Variants in CHRDL1 observed in about 807,000 individuals in gnomAD.
The protein encoded by CHRDL1 is chordin-like protein 1.
CHRDL1 carries 19 observed loss-of-function variants against 40.9 expected under a neutral mutation model. The observed-to-expected ratio is 0.46, with a 90% confidence interval of 0.32 to 0.68. CHRDL1 has a LOEUF of 0.68. Among genes scored for constraint, CHRDL1 ranks in the 30% least tolerant of loss-of-function variants. The pLI is 0.03. For synonymous variants in CHRDL1, 136 were observed against 123.4 expected (o/e 1.10, Z -0.68); for missense variants, 329 against 352.1 (o/e 0.93, Z 0.53).
chrX:110,680,916 AG>A (rs1442456905), intron 10 of CHRDL1, among the ~76,000 whole-genome samples: 1 of 112,071 alleles, frequency 8.9e-6, no homozygotes, highest in African/African-American at 3.2e-5. Context: ...TCTTGAGGGC[AG>A]GGATGATGTT....
chrX:110,705,820 A>G (rs2070626935), intron 6 of CHRDL1, among the ~76,000 whole-genome samples: 1 of 109,251 alleles, frequency 9.2e-6, no homozygotes, highest in Admixed American at 1.0e-4. Context: ...AAGATATACT[A>G]TGTACATTAT....
chrX:110,690,327 C>T lies in CHRDL1; in HGVS notation c.779-1524G>A, dbSNP rs776073687. On this transcript the variant is annotated intron_variant, in intron 8 of 11. Coordinates refer to ENST00000372042, the MANE Select transcript of CHRDL1 (RefSeq NM_001143981.2). ...CCTCCCAAAGTGCTTGGATTACAGG[C>T]GCGAGCCACTGCGCCCAGCCACATA... 7.3e-3 allele frequency among the ~76,000 whole-genome samples: 782 copies of T among 106,750 alleles called. 6 individuals carry two copies. Among genetic ancestry groups the T allele is most frequent in the African/African-American group, 0.025 (734 of 29,134 alleles). 92.7% of individuals were successfully genotyped at this position (106,750 alleles called of 115,157 possible).
intron 2 of CHRDL1, among the ~76,000 whole-genome samples, chrX:110,776,519 T>C (rs1344754850): frequency 9.0e-6 from 1 of 111,729 alleles, no homozygotes; most frequent in Non-Finnish European, 1.9e-5. Context: ...TCCAGATTGG[T>C]AGCCTTTTTC....
intron 4 of CHRDL1, among the ~76,000 whole-genome samples, chrX:110,723,657 T>C (rs1319469209): frequency 1.8e-5 from 2 of 111,878 alleles, no homozygotes; most frequent in African/African-American, 3.3e-5. Context: ...GAAGGGACCA[T>C]TTAATTAAAA....
Position 110,739,403 on chromosome X carries a change from T to C in CHRDL1, c.302-17873A>G, listed in dbSNP as rs546921583. ...TGAATGAGTTCCAGTCAATTGAATG[T>C]GGGAAGAAATGATAAACATGCCTTA... On this transcript the variant is annotated intron_variant, in intron 4 of 11. Transcript: ENST00000372042. Among the ~76,000 whole-genome samples, 19 of 111,936 alleles carry C rather than the reference T, an allele frequency of 1.7e-4. No individual in the cohort carries two copies. In the South Asian group the frequency reaches 6.9e-3, roughly 41 times the overall value.
intron 7 of CHRDL1, 88 bp from the exon 8 acceptor site, chrX:110,694,419 T>C (rs2070344124): frequency 1.4e-6 from 1 of 728,356 alleles, no homozygotes; most frequent in Admixed American, 3.2e-5. Context: ...TTCAATAATT[T>C]TGATTTATAG....
At chrX:110,772,093 C>T (rs1022383087) in intron 2 of CHRDL1, among the ~76,000 whole-genome samples, 1 of 17,193 alleles carries the variant, frequency 5.8e-5, no homozygotes, top group East Asian at 3.8e-3. Flanking sequence ...AGCTAAAAAA[C>T]GCTGATGAAA....
chrX:110,726,928 A>T (rs887066217), intron 4 of CHRDL1, among the ~76,000 whole-genome samples: 2 of 112,131 alleles, frequency 1.8e-5, no homozygotes, highest in Non-Finnish European at 3.8e-5. Flanking sequence ...TATACCTGGC[A>T]CTAATAGATC....
chrX:110,779,127 C>G (rs1163528636), intron 2 of CHRDL1, among the ~76,000 whole-genome samples: 1 of 110,994 alleles, frequency 9.0e-6, no homozygotes, highest in Non-Finnish European at 1.9e-5. Context: ...GAGAGAGGAT[C>G]AGATAAAATA....
chrX:110,685,185 T>A (rs1405828993), intron 9 of CHRDL1, among the ~76,000 whole-genome samples: 28 of 112,389 alleles, frequency 2.5e-4, no homozygotes, highest in Non-Finnish European at 1.9e-5. Context: ...AAGAAAATGG[T>A]CACTGTTAAC....
intron 2 of CHRDL1, among the ~76,000 whole-genome samples, chrX:110,791,378 C>T (rs897604732): frequency 8.9e-6 from 1 of 111,808 alleles, no homozygotes; most frequent in Non-Finnish European, 1.9e-5. Flanking sequence ...ACGGATATGT[C>T]GACCGTTACT....
chrX:110,721,317 T>C (rs2070946640), intron 5 of CHRDL1, 68 bp downstream of exon 5: 1 of 1,023,275 alleles, frequency 9.8e-7, no homozygotes, highest in African/African-American at 1.9e-5. Context: ...CAAATGAAAG[T>C]ACAAGTACAG....
intron 4 of CHRDL1, among the ~76,000 whole-genome samples, chrX:110,723,210 C>T (rs766953112): frequency 1.8e-5 from 2 of 111,230 alleles, no homozygotes; most frequent in African/African-American, 3.3e-5. Context: ...GTGATCACGC[C>T]ACTGCACTCC....
At chrX:110,697,801 A>C (rs1286473477) in intron 7 of CHRDL1, among the ~76,000 whole-genome samples, 2 of 90,401 alleles carry the variant, frequency 2.2e-5, no homozygotes, top group Non-Finnish European at 4.4e-5. Flanking sequence ...TCCTCCCCAC[A>C]TACCACACCA....
chrX:110,683,997 T>C (rs2069954776), intron 9 of CHRDL1, among the ~76,000 whole-genome samples: 1 of 111,784 alleles, frequency 8.9e-6, no homozygotes, highest in Non-Finnish European at 1.9e-5. Context: ...TAAAACCCCA[T>C]GTCTTGTTTG....
At chrX:110,687,379 G>A in intron 9 of CHRDL1, among the ~76,000 whole-genome samples, 1 of 111,354 alleles carries the variant, frequency 9.0e-6, no homozygotes. Context: ...ATGGGACACA[G>A]GTATATGTAG....
chrX:110,782,560 C>A (rs765211984), intron 2 of CHRDL1, among the ~76,000 whole-genome samples: 2 of 112,206 alleles, frequency 1.8e-5, no homozygotes, highest in South Asian at 7.5e-4. Flanking sequence ...CTTTAATCAC[C>A]TTTTAAAAAT....
At chrX:110,719,647 T>G (rs1389249215) in intron 6 of CHRDL1, among the ~76,000 whole-genome samples, 188 bp downstream of exon 6, 6 of 110,678 alleles carry the variant, frequency 5.4e-5, no homozygotes, top group African/African-American at 2.0e-4. Flanking sequence ...TTTTTTTTTT[T>G]TAAAGGCTGT....
At chrX:110,762,835 C>T in intron 2 of CHRDL1, 28 bp from the exon 3 acceptor site, 1 of 838,195 alleles carries the variant, frequency 1.2e-6, no homozygotes, top group Non-Finnish European at 1.8e-6. Flanking sequence ...GAGAATATGC[C>T]TGTTAGGAAA....
Sources: allele counts gnomAD v4.1 joint callset (sites outside exome capture counted in the v4.1 genomes callset), GRCh38; gene constraint gnomAD v4.1.1; transcripts MANE v1.5; gene names NCBI Gene and HGNC (gene_info 2026-07-23, HGNC 2026-07-21).